Variants in CEP290 observed in about 807,000 individuals in gnomAD.
The protein encoded by CEP290 is centrosomal protein 290, also known as centrosomal protein of 290 kDa.
CEP290 carries 317 observed loss-of-function variants against 344.9 expected under a neutral mutation model. That is an observed-to-expected ratio of 0.92 (90% CI 0.84 to 1.01). The LOEUF is 1.01. CEP290 is among the 50% of genes least tolerant of loss of function. The pLI, the probability that CEP290 is intolerant of heterozygous loss-of-function variation, is 0.00. For missense variants in CEP290, 2,754 were observed against 2,761.4 expected (o/e 1.00, Z 0.06); for synonymous variants, 932 against 895.8 (o/e 1.04, Z -0.72).
intron 35 of CEP290, 57 bp downstream of exon 35, chr12:88,084,529 A>T (rs2036429024): frequency 3.0e-6 from 4 of 1,315,622 alleles, no homozygotes; most frequent in Non-Finnish European, 4.2e-6. Flanking sequence ...AATAATATTT[A>T]GCATTTGCTT....
In CEP290 at chr12:88,126,326, G is replaced by A; in HGVS notation, c.1055C>T (p.Ala352Val). 1 of 1,486,006 alleles carries A rather than the reference G, an allele frequency of 6.7e-7. No individual in the cohort carries two copies. The highest frequency in any genetic ancestry group is 8.9e-7 in the Non-Finnish European group (1 of 1,122,578). The allele number at this position is 1,486,006 out of a possible 1,614,324, so 92.1% of individuals were successfully genotyped here. A position where few individuals can be genotyped will look rare whatever the true frequency, so the allele number is the denominator to read the frequency against. The part of the protein sequence containing the change: ...QLDADKSNVM[A>V]LQQGIQERDS... ...CTGTTAAGATTTTACCTGCTGTAGA[G>A]CCATAACATTACTTTTATCAGCATC... Residue 352 changes from alanine to valine, a missense_variant, in exon 12 of 54, where the codon GCT becomes GTT. Ala to Val is a moderately conservative substitution (Grantham distance 64). Transcript: ENST00000552810.
At chr12:88,096,341 C>A (rs2037431354) in intron 27 of CEP290, among the ~76,000 whole-genome samples, 1 of 151,902 alleles carries the variant, frequency 6.6e-6, no homozygotes, top group Non-Finnish European at 1.5e-5. Flanking sequence ...AGCCACTGCG[C>A]CGGCCATAAA....
chr12:88,094,639 G>A (rs2037296963), intron 27 of CEP290, among the ~76,000 whole-genome samples: 2 of 151,238 alleles, frequency 1.3e-5, no homozygotes, highest in African/African-American at 4.8e-5. Context: ...CCATAAAAAG[G>A]CATCGCATAG....
In CEP290 at chr12:88,115,550, T is replaced by C. The variant is rs932973566; in HGVS notation, c.1825-368A>G. 1.9e-5 allele frequency: 25 copies of C among 1,291,792 alleles called. No homozygotes were observed. In the African/African-American group the frequency reaches 3.5e-4, roughly 18 times the overall value. 80.0% of individuals were successfully genotyped at this position (1,291,792 alleles called of 1,614,324 possible). On this transcript the variant is annotated intron_variant, in intron 18 of 53. Transcript: ENST00000552810. ...TACACTCTGCTTCTTTGATCAAGAA[T>C]TCCTGTGCTATGATTTCATTCTAAA...
intron 52 of CEP290, among the ~76,000 whole-genome samples, chr12:88,051,349 C>T (rs968875759): frequency 6.6e-6 from 1 of 151,958 alleles, no homozygotes; most frequent in Non-Finnish European, 1.5e-5. Context: ...CAGGCAAGTG[C>T]CACCATGCCT....
In CEP290 at chr12:88,082,335, G is replaced by A. The variant is rs534680636; in HGVS notation, c.5012+696C>T. On this transcript the variant is annotated intron_variant, in intron 37 of 53. Transcript: ENST00000552810. ...CAGTTTTCAAATTACTTTCATACAC[G>A]GTATAATTTGACCTTCATATAACCA... Among the ~76,000 whole-genome samples, 11 of 152,196 alleles carry A rather than the reference G, an allele frequency of 7.2e-5. No homozygotes were observed. The South Asian group carries it at 2.1e-3, about 29-fold the overall frequency.
intron 22 of CEP290, among the ~76,000 whole-genome samples, chr12:88,109,617 C>CATA (rs2038535015): frequency 6.6e-6 from 1 of 152,168 alleles, no homozygotes; most frequent in African/African-American, 2.4e-5. Context: ...TTACCAAGTA[C>CATA]ATATGCTAGG....
intron 45 of CEP290, among the ~76,000 whole-genome samples, chr12:88,062,994 C>T (rs1360530215): frequency 6.6e-6 from 1 of 151,774 alleles, no homozygotes. Context: ...CACATTATTG[C>T]CTGATGCAAT....
intron 6 of CEP290, among the ~76,000 whole-genome samples, chr12:88,135,206 A>T (rs1167385677): frequency 6.6e-6 from 1 of 152,160 alleles, no homozygotes; most frequent in Non-Finnish European, 1.5e-5. Flanking sequence ...GTAATTGCCA[A>T]AGCAACCCAT....
At chr12:88,120,954 G>A in intron 14 of CEP290, 43 bp downstream of exon 14, 1 of 1,547,224 alleles carries the variant, frequency 6.5e-7, no homozygotes, top group Non-Finnish European at 8.8e-7. Flanking sequence ...TGAATGGCAA[G>A]AATAATTCTA....
At chr12:88,094,214 C>A (rs2037263965) in intron 27 of CEP290, among the ~76,000 whole-genome samples, 1 of 151,390 alleles carries the variant, frequency 6.6e-6, no homozygotes, top group Admixed American at 6.6e-5. Context: ...AAAAAAAAAA[C>A]CTATTCCTCA....
At chr12:88,102,121 A>T (rs1452315654) in intron 26 of CEP290, among the ~76,000 whole-genome samples, 1 of 152,196 alleles carries the variant, frequency 6.6e-6, no homozygotes, top group Non-Finnish European at 1.5e-5. Flanking sequence ...TCTGATGAGG[A>T]AGATGAACAA....
chr12:88,103,035 G>T, intron 25 of CEP290, 24 bp from the exon 26 acceptor site: 1 of 1,464,266 alleles, frequency 6.8e-7, no homozygotes, highest in Non-Finnish European at 9.0e-7. Flanking sequence ...GATACACTGA[G>T]TTATGCTGGT....
chr12:88,117,236 T>C (rs987620205), intron 17 of CEP290, 91 bp from the exon 18 acceptor site: 1 of 638,610 alleles, frequency 1.6e-6, no homozygotes, highest in African/African-American at 1.9e-5. Flanking sequence ...AATCAAGTTT[T>C]AATGCAAAGG....
At position 88,068,542 on chromosome 12, in the gene CEP290, C is replaced by G; in HGVS notation, c.6115G>C (p.Asp2039His). ...CTTACTGAAGGCTTAGAATATGTAT[C>G]CTTTGAAAACTGTTTTTCTAAAGCA... is the stretch of plus-strand genomic sequence containing the variant. ...LHALEKQFSK[D>H]TYSKPSISGI... The change falls in exon 44 of 54, where the codon GAT becomes CAT. Residue 2039 changes from aspartate to histidine, a missense_variant. Physicochemically the swap from Asp to His is moderately conservative, Grantham distance 81 (BLOSUM62 -1). Transcript: ENST00000552810. The G allele has an allele frequency of 6.4e-7, 1 of 1,560,940 alleles. No homozygotes were observed. The highest frequency in any genetic ancestry group is 8.7e-7 in the Non-Finnish European group (1 of 1,152,076).
chr12:88,066,669 G>A (rs1440222022), intron 44 of CEP290, among the ~76,000 whole-genome samples: 2 of 148,868 alleles, frequency 1.3e-5, no homozygotes, highest in Admixed American at 1.3e-4. Context: ...TTATTTTAGA[G>A]ACAGGTCTCA....
chr12:88,061,110 G>T, intron 46 of CEP290, 116 bp from the exon 47 acceptor site: 1 of 683,122 alleles, frequency 1.5e-6, no homozygotes, highest in South Asian at 3.1e-5. Flanking sequence ...AGTCAAAACT[G>T]TATTAATTCA....
intron 35 of CEP290, 141 bp from the exon 36 acceptor site, chr12:88,084,095 T>G: frequency 1.7e-6 from 1 of 595,400 alleles, no homozygotes; most frequent in Non-Finnish European, 2.9e-6. Flanking sequence ...TATGTATGTA[T>G]CTAGACTGGT....
chr12:88,063,508 T>C (rs530157507), intron 45 of CEP290, among the ~76,000 whole-genome samples: 99 of 152,144 alleles, frequency 6.5e-4, no homozygotes, highest in African/African-American at 2.2e-3. Flanking sequence ...ATTTCTGTTG[T>C]CTGTAATTAT....
Sources: allele counts gnomAD v4.1 joint callset (sites outside exome capture counted in the v4.1 genomes callset), GRCh38; gene constraint gnomAD v4.1.1; transcripts MANE v1.5; gene names NCBI Gene and HGNC (gene_info 2026-07-23, HGNC 2026-07-21).